The following INSL6 variants were observed in gnomAD, a reference collection of about 807,000 sequenced individuals.
INSL6 encodes the protein insulin like 6.
In INSL6, 16 loss-of-function variants were observed where a neutral mutation model predicts 9.4. The ratio of observed to expected loss-of-function variants is 1.70; its 90% CI spans 1.15 to 2.59. INSL6 has a LOEUF of 2.59. Ranked by LOEUF, INSL6 falls within the 30% of genes most tolerant of loss-of-function variation. The pLI, the probability that INSL6 is intolerant of heterozygous loss-of-function variation, is 0.00. For synonymous variants in INSL6, 154 were observed against 96.9 expected (o/e 1.59, Z -3.46); for missense variants, 391 against 257.3 (o/e 1.52, Z -3.56).
intron 3 of INSL6, chr9:5,128,022 A>ATTTG (rs1824111315): frequency 4.3e-6 from 1 of 231,086 alleles, no homozygotes; most frequent in African/African-American, 2.2e-5. Flanking sequence ...CGTTGTTGTC[A>ATTTG]TTTGTTATAG....
chr9:5,090,612 T>C, the INSL6 span: 407 of 1,548,438 alleles, frequency 2.6e-4, no homozygotes, highest in African/African-American at 5.2e-3. Flanking sequence ...GAAGCAACCG[T>C]GTTGAAGTAG....
the INSL6 span, among the ~76,000 whole-genome samples, chr9:5,053,873 G>A: frequency 6.6e-6 from 1 of 151,886 alleles, no homozygotes; most frequent in Non-Finnish European, 1.5e-5. Context: ...GATAGGAGAT[G>A]GATGATTGGA....
At chr9:5,182,559 A>T (rs1326335017) in intron 1 of INSL6, among the ~76,000 whole-genome samples, 1 of 152,154 alleles carries the variant, frequency 6.6e-6, no homozygotes. Context: ...AGTGCCTAAC[A>T]CATGATAGGT....
At chr9:5,177,330 A>G (rs1825332503) in intron 1 of INSL6, among the ~76,000 whole-genome samples, 1 of 152,092 alleles carries the variant, frequency 6.6e-6, no homozygotes, top group Non-Finnish European at 1.5e-5. Flanking sequence ...TGATTGTGCC[A>G]CCCCGCCCGG....
chr9:5,060,375 T>A, the INSL6 span, among the ~76,000 whole-genome samples: 1 of 152,146 alleles, frequency 6.6e-6, no homozygotes, highest in Non-Finnish European at 1.5e-5. Context: ...TTTGGTAACA[T>A]TTTACCCACA....
the INSL6 span, among the ~76,000 whole-genome samples, chr9:5,001,379 C>T: frequency 6.6e-6 from 1 of 151,890 alleles, no homozygotes; most frequent in East Asian, 1.9e-4. Context: ...AATTTATTTC[C>T]AGAAATTTTA....
the INSL6 span, chr9:5,072,494 T>G: frequency 6.4e-7 from 1 of 1,558,026 alleles, no homozygotes. Flanking sequence ...TCTTGAAGAA[T>G]GAAAGCCTTG....
chr9:5,161,593 C>T (rs1414927846), downstream of INSL6, among the ~76,000 whole-genome samples: 5 of 152,080 alleles, frequency 3.3e-5, no homozygotes, highest in African/African-American at 1.2e-4. Flanking sequence ...CTAGAGCAAT[C>T]AGACAAGAGA....
chr9:5,036,164 T>C, the INSL6 span, among the ~76,000 whole-genome samples: 1 of 152,114 alleles, frequency 6.6e-6, no homozygotes, highest in Non-Finnish European at 1.5e-5. Context: ...GAATCCAACT[T>C]ACAAGGGATG....
the INSL6 span, chr9:5,089,779 A>G: frequency 6.2e-7 from 1 of 1,600,542 alleles, no homozygotes; most frequent in Non-Finnish European, 8.5e-7. Context: ...AGAGCACCTA[A>G]GAGACTTTGA....
exon 4 of INSL6, among the ~76,000 whole-genome samples, chr9:5,124,498 A>G (rs577316872): frequency 3.3e-5 from 5 of 151,890 alleles, no homozygotes; most frequent in African/African-American, 9.6e-5. Context: ...CAATCTGCAG[A>G]TTCAATGCAG....
chr9:5,085,978 T>C, the INSL6 span: 4 of 1,020,880 alleles, frequency 3.9e-6, no homozygotes, highest in Admixed American at 1.7e-5. Context: ...CTGTGTGTTT[T>C]GCTGTACGGG....
the INSL6 span, among the ~76,000 whole-genome samples, chr9:5,056,667 T>C: frequency 6.6e-6 from 1 of 152,180 alleles, no homozygotes; most frequent in South Asian, 2.1e-4. Context: ...ACTCAGGGCC[T>C]AGTTTAGAAA....
chr9:5,160,440 G>A (rs112488592), downstream of INSL6, among the ~76,000 whole-genome samples: 1 of 152,102 alleles, frequency 6.6e-6, no homozygotes, highest in Non-Finnish European at 1.5e-5. Context: ...ATGCGATACA[G>A]GGAAAGCAGT....
the INSL6 span, among the ~76,000 whole-genome samples, chr9:5,106,470 A>G: frequency 6.6e-6 from 1 of 152,238 alleles, no homozygotes; most frequent in African/African-American, 2.4e-5. Flanking sequence ...AACTAGTTCA[A>G]CCACTGCAGA....
chr9:5,042,830 C>T, the INSL6 span, among the ~76,000 whole-genome samples: 1 of 152,202 alleles, frequency 6.6e-6, no homozygotes, highest in Non-Finnish European at 1.5e-5. Context: ...AAGCCAGCCC[C>T]GCAACCAAAA....
chr9:5,110,991 G>A, the INSL6 span: 6 of 659,926 alleles, frequency 9.1e-6, no homozygotes, highest in East Asian at 7.3e-5. Context: ...TGATGTTCCC[G>A]CTGCCCGTTG....
chr9:5,126,736 C>G (rs571063715), intron 3 of INSL6: 8 of 1,611,104 alleles, frequency 5.0e-6, no homozygotes, highest in Non-Finnish European at 5.9e-6. Flanking sequence ...CAACGCCCCT[C>G]CTTTAGGGAT....
the INSL6 span, among the ~76,000 whole-genome samples, chr9:5,032,770 G>T: frequency 6.6e-6 from 1 of 152,032 alleles, no homozygotes; most frequent in Non-Finnish European, 1.5e-5. Context: ...AAAGACAAAA[G>T]GTAGATAAAA....
Sources: allele counts gnomAD v4.1 joint callset (sites outside exome capture counted in the v4.1 genomes callset), GRCh38; gene constraint gnomAD v4.1.1; transcripts MANE v1.5; gene names NCBI Gene and HGNC (gene_info 2026-07-23, HGNC 2026-07-21).